Variants in RAB3GAP2 observed in about 807,000 individuals in gnomAD.
RAB3GAP2 encodes the protein RAB3 GTPase activating non-catalytic protein subunit 2.
Under a neutral mutation model 185.3 loss-of-function variants are expected in RAB3GAP2, and 87 were observed. That is an observed-to-expected ratio of 0.47 (90% CI 0.39 to 0.56). The LOEUF (loss-of-function observed/expected upper bound fraction) is 0.56, where lower values mean the gene tolerates loss of function less well. RAB3GAP2 is among the 20% of genes least tolerant of loss of function. The probability of loss-of-function intolerance (pLI) is 0.00; values close to 1 mark genes in which losing one functional copy is unlikely to be tolerated. For missense variants in RAB3GAP2, 1,492 were observed against 1,638.2 expected (o/e 0.91, Z 1.54); for synonymous variants, 554 against 576.1 (o/e 0.96, Z 0.55).
Position 220,167,687 on chromosome 1 carries a change from A to G in RAB3GAP2, c.2807-12T>C, listed in dbSNP as rs1658096263. ...GTCTGCAATGCCACCTATAGTTTGG[A>G]GACAAGAAAGAAAATAAAAATTTAC... On this transcript the variant is annotated splice_polypyrimidine_tract_variant and intron_variant, in intron 24 of 34. Transcript: ENST00000358951. 14 of 1,612,396 alleles carry G rather than the reference A, an allele frequency of 8.7e-6. No homozygotes were observed. Among genetic ancestry groups the G allele is most frequent in the Non-Finnish European group, 1.0e-5 (12 of 1,179,638 alleles).
chr1:220,238,528 T>C (rs1255437795), intron 1 of RAB3GAP2, among the ~76,000 whole-genome samples: 1 of 152,184 alleles, frequency 6.6e-6, no homozygotes, highest in Admixed American at 6.5e-5. Context: ...ACTGCACCTA[T>C]CTCACAGAGT....
chr1:220,241,579 A>G (rs1010154369), intron 1 of RAB3GAP2, among the ~76,000 whole-genome samples: 3 of 152,104 alleles, frequency 2.0e-5, no homozygotes, highest in Non-Finnish European at 4.4e-5. Flanking sequence ...AGCATCACCC[A>G]GCAGTACAAA....
intron 21 of RAB3GAP2, among the ~76,000 whole-genome samples, chr1:220,173,324 AT>A (rs1658214590): frequency 6.6e-6 from 1 of 152,190 alleles, no homozygotes; most frequent in Admixed American, 6.5e-5. Flanking sequence ...TGAAGCTGAA[AT>A]TTTTTTAAGA....
rs934183625 is a variant in RAB3GAP2 at position 220,211,211 on chromosome 1, G to A, written c.387-209C>T. The stretch of plus-strand genomic sequence containing the variant: ...AAAATGTAATGCCACATGCATTTGA[G>A]GTTAATAAAAAACAGAATTTTTCAC... On this transcript the variant is annotated intron_variant, in intron 4 of 34. Transcript: ENST00000358951. 4 of 683,392 alleles carry A rather than the reference G, an allele frequency of 5.9e-6. No homozygotes were observed. In the East Asian group the frequency reaches 8.3e-5, roughly 14 times the overall value. The allele number at this position is 683,392 out of a possible 1,614,324, so 42.3% of individuals were successfully genotyped here. A position where few individuals can be genotyped will look rare whatever the true frequency, so the allele number is the denominator to read the frequency against.
intron 26 of RAB3GAP2, among the ~76,000 whole-genome samples, chr1:220,165,817 G>A (rs1317880638): frequency 6.6e-6 from 1 of 152,062 alleles, no homozygotes; most frequent in Non-Finnish European, 1.5e-5. Context: ...TTGAAACGAA[G>A]AGTTCAGAAA....
Position 220,159,364 on chromosome 1 carries a change from T to C in RAB3GAP2, c.3261+22A>G, listed in dbSNP as rs1451660128. ...AGTGTGGAATTAACAACCATAATTC[T>C]AGCTATGGGAGATTCACTTACCCTT... On this transcript the variant is annotated intron_variant, in intron 29 of 34. Coordinates refer to ENST00000358951, the MANE Select transcript of RAB3GAP2 (RefSeq NM_012414.4). The C allele has an allele frequency of 4.4e-6, 7 of 1,592,106 alleles. No homozygotes were observed. The East Asian group carries it at 1.6e-4, about 36-fold the overall frequency.
rs1165186227 is a variant in RAB3GAP2, at chr1:220,151,372, A to G, written c.4061T>C (p.Ile1354Thr). 1.2e-6 allele frequency: 2 copies of G among 1,614,200 alleles called. No homozygotes were observed. Among genetic ancestry groups the G allele is most frequent in the East Asian group, 2.2e-5 (1 of 44,878 alleles). ...ATTTACTAGTTTAGCTGTTGTTGCA[A>G]TTGGCACTTCAGTGTTTTGAAGGTC... ...PQDLQNTEVP[I>T]ATTAKLVNKV... is the part of the protein sequence containing the mutation. Residue 1354 changes from isoleucine to threonine, a missense_variant, in exon 35 of 35, where the codon ATT (isoleucine) becomes ACT (threonine). By Grantham distance (89) the Ile-to-Thr change is moderately conservative. This residue lies in a region of RAB3GAP2 where 387 missense variants were observed against 455.3 expected (regional missense o/e 0.85). Coordinates refer to ENST00000358951, the MANE Select transcript of RAB3GAP2 (RefSeq NM_012414.4).
intron 1 of RAB3GAP2, among the ~76,000 whole-genome samples, chr1:220,258,506 T>C (rs976566626): frequency 2.0e-5 from 3 of 152,180 alleles, no homozygotes; most frequent in Non-Finnish European, 2.9e-5. Context: ...CCTCAATAGA[T>C]GCAGAAAAGG....
intron 1 of RAB3GAP2, among the ~76,000 whole-genome samples, chr1:220,243,393 T>G (rs1160442956): frequency 1.3e-5 from 2 of 151,988 alleles, no homozygotes; most frequent in Non-Finnish European, 2.9e-5. Flanking sequence ...CACATGTATT[T>G]ACTACACGCA....
chr1:220,220,107 A>G (rs1039801224), intron 2 of RAB3GAP2, among the ~76,000 whole-genome samples: 3 of 152,224 alleles, frequency 2.0e-5, no homozygotes, highest in Admixed American at 1.3e-4. Context: ...AAACAAAAAA[A>G]GCACCTCACT....
Position 220,211,009 on chromosome 1 carries a change from A to T in RAB3GAP2, c.387-7T>A, listed in dbSNP as rs748154369. 3.1e-6 allele frequency: 5 copies of T among 1,612,494 alleles called. No homozygotes were observed. The South Asian group carries it at 5.5e-5, about 18-fold the overall frequency. On this transcript the variant is annotated splice_polypyrimidine_tract_variant and splice_region_variant and intron_variant, in intron 4 of 34. Coordinates refer to ENST00000358951, the MANE Select transcript of RAB3GAP2 (RefSeq NM_012414.4). ...AGCACTGGTTACACATTCCCTAAAAACAAAAACAAAATCATATGCTTACCC... is the reference window on the plus strand; with the variant it reads ...AGCACTGGTTACACATTCCCTAAAATCAAAAACAAAATCATATGCTTACCC...
intron 1 of RAB3GAP2, among the ~76,000 whole-genome samples, chr1:220,262,967 A>G (rs1167270453): frequency 6.8e-6 from 1 of 147,944 alleles, no homozygotes; most frequent in Non-Finnish European, 1.5e-5. Context: ...CCATATCCTG[A>G]TACTTTTTTT....
chr1:220,254,809 C>T (rs893780619), intron 1 of RAB3GAP2, among the ~76,000 whole-genome samples: 3 of 151,594 alleles, frequency 2.0e-5, no homozygotes, highest in Non-Finnish European at 4.4e-5. Context: ...GTTGACAAAG[C>T]TGCTTTTGAA....
rs190593101 is a variant in RAB3GAP2 at position 220,164,365 on chromosome 1, G to A, written c.3154+368C>T. Among the ~76,000 whole-genome samples, 4 of 151,480 alleles carry A rather than the reference G, an allele frequency of 2.6e-5. No individual in the cohort carries two copies. The East Asian group carries it at 5.9e-4, about 22-fold the overall frequency. Reference sequence around the variant, plus strand: ...CAGGGATAGTAGTCAGCTGCTTGGGGAACAGAAGTGGTGATTACTATCAGT... The same window carrying A: ...CAGGGATAGTAGTCAGCTGCTTGGGAAACAGAAGTGGTGATTACTATCAGT... On this transcript the variant is annotated intron_variant, in intron 27 of 34. Transcript: ENST00000358951.
At chr1:220,166,272 A>G (rs2102856488) in intron 26 of RAB3GAP2, among the ~76,000 whole-genome samples, 1 of 152,304 alleles carries the variant, frequency 6.6e-6, no homozygotes. Context: ...GGAGGAAGGA[A>G]GAGTATCGTT....
rs541918035 is a variant in RAB3GAP2 at position 220,157,427 on chromosome 1, G to C, written c.3398C>G (p.Ser1133Cys). ...CACTATGGAGATTGGTCCTTCCACG[G>C]AGAGCCACGCATCCTCAGTATCCAG... ...PVLDTEDAWL[S>C]VEGPISIVEL... The change falls in exon 31 of 35, where the codon TCC becomes TGC. Residue 1133 changes from serine to cysteine, a missense_variant. By Grantham distance (112) the Ser-to-Cys change is moderately radical (BLOSUM62 -1). Around this residue, in one of 5 missense-constraint regions of RAB3GAP2, gnomAD observed 387 missense variants for 455.3 expected, o/e 0.85. Coordinates refer to ENST00000358951, the MANE Select transcript of RAB3GAP2 (RefSeq NM_012414.4). 1.2e-6 allele frequency: 2 copies of C among 1,613,884 alleles called. No individual in the cohort carries two copies. Among genetic ancestry groups the C allele is most frequent in the African/African-American group, 2.7e-5 (2 of 74,950 alleles).
chr1:220,267,401 C>T (rs1660247892), intron 1 of RAB3GAP2: 2 of 1,292,628 alleles, frequency 1.5e-6, no homozygotes, highest in Non-Finnish European at 2.2e-6. Flanking sequence ...TGCTCCACTC[C>T]TGCTTTCTCC....
chr1:220,227,652 G>A (rs542476811), intron 2 of RAB3GAP2, among the ~76,000 whole-genome samples: 4 of 152,262 alleles, frequency 2.6e-5, no homozygotes, highest in South Asian at 2.1e-4. Context: ...CACCATCTCC[G>A]TAACACCCGA....
At chr1:220,230,494 TC>T (rs1558163622) in intron 2 of RAB3GAP2, among the ~76,000 whole-genome samples, 1 of 152,166 alleles carries the variant, frequency 6.6e-6, no homozygotes, top group Non-Finnish European at 1.5e-5. Context: ...ATTCAACACA[TC>T]CTAATTCTCC....
Sources: allele counts gnomAD v4.1 joint callset (sites outside exome capture counted in the v4.1 genomes callset), GRCh38; gene constraint gnomAD v4.1.1; regional missense constraint gnomAD v4.1.1; transcripts MANE v1.5; gene names NCBI Gene and HGNC (gene_info 2026-07-23, HGNC 2026-07-21).